FHIT: variants seen among roughly 807,000 people sequenced by gnomAD.
FHIT encodes the protein bis(5'-adenosyl)-triphosphatase.
FHIT carries 19 observed loss-of-function variants against 17.9 expected under a neutral mutation model. That is an observed-to-expected ratio of 1.06 (90% CI 0.74 to 1.56). FHIT has a LOEUF of 1.56. Among genes scored for constraint, FHIT ranks in the 40% most tolerant of loss-of-function variants. The pLI, the probability that FHIT is intolerant of heterozygous loss-of-function variation, is 0.00. For synonymous variants in FHIT, 81 were observed against 69.7 expected, an observed-to-expected ratio of 1.16 and a Z score of -0.81; for missense variants, 248 against 189.2, an observed-to-expected ratio of 1.31 and a Z score of -1.82.
chr3:60,963,931 T>A (rs1168462521), intron 3 of FHIT, among the ~76,000 whole-genome samples: 1 of 152,226 alleles, frequency 6.6e-6, no homozygotes, highest in Non-Finnish European at 1.5e-5. Context: ...GAGAGTTCTG[T>A]AGATGTCTAT....
chr3:60,342,223 A>C (rs774213885), intron 5 of FHIT, among the ~76,000 whole-genome samples: 16 of 152,184 alleles, frequency 1.1e-4, no homozygotes, highest in Non-Finnish European at 1.6e-4. Flanking sequence ...ATCAGTAAGT[A>C]GTTATTGAAT....
At chr3:60,958,460 G>T (rs1223949521) in intron 3 of FHIT, among the ~76,000 whole-genome samples, 1 of 152,184 alleles carries the variant, frequency 6.6e-6, no homozygotes, top group Non-Finnish European at 1.5e-5. Context: ...TAAAATAGAT[G>T]TAGTATTATT....
At chr3:60,109,532 T>C (rs981151759) in intron 5 of FHIT, among the ~76,000 whole-genome samples, 1 of 152,200 alleles carries the variant, frequency 6.6e-6, no homozygotes, top group Non-Finnish European at 1.5e-5. Context: ...TTAGGGTTTA[T>C]GTTCCAAAGG....
At chr3:60,144,937 T>C (rs1384245396) in intron 5 of FHIT, among the ~76,000 whole-genome samples, 1 of 152,162 alleles carries the variant, frequency 6.6e-6, no homozygotes, top group Non-Finnish European at 1.5e-5. Context: ...TAGAAAGCAC[T>C]TTTTGTAAAT....
At chr3:60,743,387 A>T (rs1156684268) in intron 4 of FHIT, among the ~76,000 whole-genome samples, 1 of 152,208 alleles carries the variant, frequency 6.6e-6, no homozygotes, top group Non-Finnish European at 1.5e-5. Flanking sequence ...AACTGCTATT[A>T]TGCAGCAGGT....
chr3:61,164,001 T>C (rs1231531077), intron 2 of FHIT, among the ~76,000 whole-genome samples: 2 of 152,128 alleles, frequency 1.3e-5, no homozygotes, highest in East Asian at 1.9e-4. Flanking sequence ...AGTGAACAAA[T>C]TGGGCTATGA....
chr3:60,446,919 A>G (rs771468005), intron 5 of FHIT, among the ~76,000 whole-genome samples: 70 of 151,096 alleles, frequency 4.6e-4, no homozygotes, highest in Admixed American at 9.9e-4. Flanking sequence ...TCAGGTATAA[A>G]TCTACCCAAG....
At chr3:60,636,628 C>A (rs1553683972) in intron 4 of FHIT, among the ~76,000 whole-genome samples, 1 of 152,142 alleles carries the variant, frequency 6.6e-6, no homozygotes, top group Non-Finnish European at 1.5e-5. Flanking sequence ...CTTTCCCCCG[C>A]TATGAAGTAA....
At chr3:59,819,130 T>C (rs1416969966) in intron 8 of FHIT, among the ~76,000 whole-genome samples, 1 of 152,266 alleles carries the variant, frequency 6.6e-6, no homozygotes, top group Non-Finnish European at 1.5e-5. Flanking sequence ...ATAGATCTTT[T>C]ATCGGATACA....
intron 5 of FHIT, among the ~76,000 whole-genome samples, chr3:60,171,013 G>T (rs912359196): frequency 6.6e-6 from 1 of 152,046 alleles, no homozygotes. Flanking sequence ...AAAAGAAAAG[G>T]CCCAACTTTC....
chr3:60,966,957 A>G (rs1200669332), intron 3 of FHIT, among the ~76,000 whole-genome samples: 1 of 152,184 alleles, frequency 6.6e-6, no homozygotes, highest in African/African-American at 2.4e-5. Context: ...TAGACGTAAT[A>G]CTTCTCTTTC....
chr3:60,412,569 C>T (rs17063024), intron 5 of FHIT, among the ~76,000 whole-genome samples: 3,091 of 152,094 alleles, frequency 0.02, 53 homozygotes, highest in African/African-American at 0.047. Flanking sequence ...TATTGACCAC[C>T]GAAGAAAAGC....
At chr3:61,085,767 T>C (rs2035286955) in intron 2 of FHIT, among the ~76,000 whole-genome samples, 1 of 152,226 alleles carries the variant, frequency 6.6e-6, no homozygotes, top group South Asian at 2.1e-4. Flanking sequence ...GCTTATATTT[T>C]GGTCTGTAAT....
At chr3:60,735,835 CTTATT>C (rs1156939441) in intron 4 of FHIT, among the ~76,000 whole-genome samples, 3 of 152,170 alleles carry the variant, frequency 2.0e-5, no homozygotes, top group African/African-American at 7.2e-5. Context: ...TCACTTATAG[CTTATT>C]TTATTACTAG....
chr3:59,751,277 G>A (rs1700883919), intron 9 of FHIT: 2 of 178,170 alleles, frequency 1.1e-5, no homozygotes, highest in Non-Finnish European at 2.4e-5. Flanking sequence ...GTCTTGCTCT[G>A]TCACCCAGGC....
At chr3:60,310,154 A>T (rs1020745282) in intron 5 of FHIT, among the ~76,000 whole-genome samples, 3 of 152,200 alleles carry the variant, frequency 2.0e-5, no homozygotes, top group Non-Finnish European at 4.4e-5. Context: ...CAAAGCTGAA[A>T]GAAAAACCAA....
chr3:60,954,589 G>A (rs1709031694), intron 3 of FHIT, among the ~76,000 whole-genome samples: 1 of 152,176 alleles, frequency 6.6e-6, no homozygotes, highest in Non-Finnish European at 1.5e-5. Context: ...ATGCTGTACA[G>A]AAGGCATGGA....
chr3:59,965,509 A>G (rs1707885572), intron 7 of FHIT, among the ~76,000 whole-genome samples: 1 of 152,168 alleles, frequency 6.6e-6, no homozygotes, highest in South Asian at 2.1e-4. Flanking sequence ...TCTTCCAGCT[A>G]GAGTGTAAAA....
chr3:60,329,524 G>A (rs1709860926), intron 5 of FHIT, among the ~76,000 whole-genome samples: 1 of 152,216 alleles, frequency 6.6e-6, no homozygotes, highest in Admixed American at 6.5e-5. Flanking sequence ...CCAGCTGCTT[G>A]AGGCAAGCAG....
Sources: allele counts gnomAD v4.1 joint callset (sites outside exome capture counted in the v4.1 genomes callset), GRCh38; gene constraint gnomAD v4.1.1; transcripts MANE v1.5; gene names NCBI Gene and HGNC (gene_info 2026-07-23, HGNC 2026-07-21).